Variants in OLFM3 observed in about 807,000 individuals in gnomAD.
The protein encoded by OLFM3 is noelin-3.
In OLFM3, 20 loss-of-function variants were observed where a neutral mutation model predicts 48.6. The ratio of observed to expected loss-of-function variants is 0.41; its 90% CI spans 0.29 to 0.60. OLFM3 has a LOEUF of 0.60. OLFM3 is among the 20% of genes least tolerant of loss of function. OLFM3 has a pLI of 0.28. For synonymous variants in OLFM3, 222 were observed against 198.1 expected (o/e 1.12, Z -1.01); for missense variants, 437 against 544.3 (o/e 0.80, Z 1.96).
At chr1:101,825,463 A>C (rs1654817493) in intron 3 of OLFM3, among the ~76,000 whole-genome samples, 3 of 152,160 alleles carry the variant, frequency 2.0e-5, no homozygotes, top group Non-Finnish European at 4.4e-5. Flanking sequence ...ATCTTTCTTT[A>C]ATGCTTAGTT....
At chr1:101,939,950 T>C (rs138679324) in intron 1 of OLFM3, among the ~76,000 whole-genome samples, 3 of 152,296 alleles carry the variant, frequency 2.0e-5, no homozygotes, top group Non-Finnish European at 2.9e-5. Flanking sequence ...CATAAATCAG[T>C]AATCAGAAAA....
At chr1:101,996,626 C>T (rs1024008114) in intron 1 of OLFM3, 122 bp downstream of exon 1, 25 of 949,000 alleles carry the variant, frequency 2.6e-5, no homozygotes, top group Non-Finnish European at 4.1e-5. Flanking sequence ...ATACGCCAGA[C>T]ACCATAAGGT....
intron 1 of OLFM3, among the ~76,000 whole-genome samples, chr1:101,888,334 G>T (rs1332524052): frequency 6.6e-6 from 1 of 152,092 alleles, no homozygotes; most frequent in African/African-American, 2.4e-5. Context: ...AGAGCCCTCA[G>T]AAATAACATC....
rs904247047 is a variant in OLFM3, at chr1:101,802,798, A to G, written c.*1440T>C. 48 of 151,646 alleles carry G rather than the reference A, an allele frequency of 3.2e-4. No homozygotes were observed. The highest frequency in any genetic ancestry group is 1.1e-3 in the African/African-American group (46 of 41,374). The allele number at this position is 151,646 out of a possible 1,614,324, so 9.4% of individuals were successfully genotyped here. A position where few individuals can be genotyped will look rare whatever the true frequency, so the allele number is the denominator to read the frequency against. On this transcript the variant is annotated 3_prime_UTR_variant, in exon 6 of 6. Transcript: ENST00000370103. ...TGTTTTATTATTTATTATAGAATAT[A>G]CTTTTTAAATTGTAAAACCAACCTA...
chr1:101,804,943 G>T lies in OLFM3; in HGVS notation c.700-28C>A. ...GAGAAGAAGGAAAAAAATAAATGGA[G>T]TGACTAAATTCTGTACTTTTCTGAT... On this transcript the variant is annotated intron_variant, in intron 5 of 5. Transcript: ENST00000370103. The surrounding 1 kb of genome is among the most constrained non-coding windows in gnomAD (Gnocchi z 4.5). 1 of 1,537,920 alleles carries T rather than the reference G, an allele frequency of 6.5e-7. No individual in the cohort carries two copies. The highest frequency in any genetic ancestry group is 8.8e-7 in the Non-Finnish European group (1 of 1,131,528).
At chr1:101,934,094 A>G (rs180805027) in intron 1 of OLFM3, among the ~76,000 whole-genome samples, 1 of 152,334 alleles carries the variant, frequency 6.6e-6, no homozygotes, top group Admixed American at 6.5e-5. Context: ...ACATAATGTC[A>G]GGATCAAATC....
At chr1:101,907,487 TCTGACTTTGATAG>T (rs1234241688) in intron 1 of OLFM3, among the ~76,000 whole-genome samples, 13 of 152,314 alleles carry the variant, frequency 8.5e-5, no homozygotes, top group African/African-American at 3.1e-4. Flanking sequence ...ACCAGGACAC[TCTGACTTTGATAG>T]CTGTTTCTGT....
intron 1 of OLFM3, among the ~76,000 whole-genome samples, chr1:101,948,126 G>T (rs1660014657): frequency 6.6e-6 from 1 of 151,786 alleles, no homozygotes; most frequent in African/African-American, 2.4e-5. Context: ...TTGAAACAAG[G>T]TTCTCATACT....
intron 1 of OLFM3, among the ~76,000 whole-genome samples, chr1:101,961,025 A>G (rs1660451148): frequency 6.6e-6 from 1 of 152,178 alleles, no homozygotes; most frequent in African/African-American, 2.4e-5. Context: ...AGAGACTATG[A>G]TGAGACTATT....
chr1:101,995,774 G>C (rs1297311490), intron 1 of OLFM3, among the ~76,000 whole-genome samples: 1 of 152,112 alleles, frequency 6.6e-6, no homozygotes, highest in African/African-American at 2.4e-5. Context: ...TAGTTTTATA[G>C]CATGGAATCA....
At chr1:101,867,089 A>C (rs1210328111) in intron 1 of OLFM3, among the ~76,000 whole-genome samples, 1 of 152,206 alleles carries the variant, frequency 6.6e-6, no homozygotes, top group African/African-American at 2.4e-5. Flanking sequence ...AATCAGTTAT[A>C]TTGCCTATAC....
intron 1 of OLFM3, among the ~76,000 whole-genome samples, chr1:101,867,257 T>C (rs934663369): frequency 6.6e-6 from 1 of 152,188 alleles, no homozygotes; most frequent in South Asian, 2.1e-4. Flanking sequence ...GGAGATAATC[T>C]TTACTAGTAA....
intron 1 of OLFM3, among the ~76,000 whole-genome samples, chr1:101,993,626 T>C (rs991030246): frequency 1.3e-5 from 2 of 152,150 alleles, no homozygotes; most frequent in Non-Finnish European, 2.9e-5. Flanking sequence ...TTACTAATTA[T>C]ACTTTAATTA....
chr1:101,911,635 A>C (rs1209689745), intron 1 of OLFM3, among the ~76,000 whole-genome samples: 2 of 152,206 alleles, frequency 1.3e-5, no homozygotes, highest in Admixed American at 6.5e-5. Context: ...ACCAGTTGAG[A>C]CAGCAATGAG....
chr1:101,843,856 A>G (rs1655851949), intron 1 of OLFM3, among the ~76,000 whole-genome samples: 1 of 152,144 alleles, frequency 6.6e-6, no homozygotes, highest in Non-Finnish European at 1.5e-5. Context: ...AAACCATCGT[A>G]TTTATGTTAA....
chr1:101,977,786 C>T (rs1271340083), intron 1 of OLFM3, among the ~76,000 whole-genome samples: 1 of 151,792 alleles, frequency 6.6e-6, no homozygotes, highest in Non-Finnish European at 1.5e-5. Flanking sequence ...TTTGTGGTTT[C>T]TTTTTTCTCT....
intron 1 of OLFM3, among the ~76,000 whole-genome samples, chr1:101,931,822 T>C (rs920907469): frequency 6.6e-6 from 1 of 152,172 alleles, no homozygotes; most frequent in Non-Finnish European, 1.5e-5. Flanking sequence ...CACAAGAATC[T>C]TTCTGTAGCT....
chr1:101,921,930 G>A (rs1039374766), intron 1 of OLFM3, among the ~76,000 whole-genome samples: 6 of 152,028 alleles, frequency 3.9e-5, no homozygotes, highest in African/African-American at 9.7e-5. Flanking sequence ...ATGGTGGCGG[G>A]TGCCTGTAGT....
intron 1 of OLFM3, among the ~76,000 whole-genome samples, chr1:101,854,834 T>C (rs1656354197): frequency 6.6e-6 from 1 of 152,014 alleles, no homozygotes; most frequent in Non-Finnish European, 1.5e-5. Flanking sequence ...AGAGCTGTGG[T>C]GTTCTCATGT....
Sources: gnomAD v4.1 joint callset for allele counts (sites outside exome capture counted in the v4.1 genomes callset) on GRCh38, gnomAD v4.1.1 for gene constraint, Gnocchi (gnomAD v3.1) non-coding constraint, MANE v1.5 for transcripts, NCBI Gene and HGNC (gene_info 2026-07-23, HGNC 2026-07-21) for gene names.